The following ATP1B2 variants were observed in gnomAD, a reference collection of about 807,000 sequenced individuals.
ATP1B2 encodes sodium/potassium-transporting ATPase subunit beta-2.
A neutral mutation model predicts 37.3 loss-of-function variants in ATP1B2; 12 were observed. The observed-to-expected ratio is 0.32, with a 90% confidence interval of 0.21 to 0.52. The LOEUF (loss-of-function observed/expected upper bound fraction) is 0.52, where lower values mean the gene tolerates loss of function less well. ATP1B2 is among the 20% of genes least tolerant of loss of function. The pLI, the probability that ATP1B2 is intolerant of heterozygous loss-of-function variation, is 0.96. For synonymous variants in ATP1B2, 139 were observed against 140.5 expected, an observed-to-expected ratio of 0.99 and a Z score of 0.07; for missense variants, 324 against 391.6, an observed-to-expected ratio of 0.83 and a Z score of 1.46.
chr17:7,651,217 G>GC lies in ATP1B2; in HGVS notation c.-302_-301insC, dbSNP rs1567531492. On this transcript the variant is annotated 5_prime_UTR_variant, in exon 1 of 7. Coordinates refer to ENST00000250111, the MANE Select transcript of ATP1B2 (RefSeq NM_001678.5). ...TTTCGTTTTGTTTCTAGACGGTTTGGTGGGGGGTGAAGCTGCATTCATACC... is the reference window on the plus strand; with the variant it reads ...TTTCGTTTTGTTTCTAGACGGTTTGGCTGGGGGGTGAAGCTGCATTCATACC... The GC allele has an allele frequency of 1.1e-5, 4 of 361,950 alleles. No individual in the cohort carries two copies. Among genetic ancestry groups the GC allele is most frequent in the Middle Eastern group, 1.7e-3 (2 of 1,198 alleles). 22.4% of individuals were successfully genotyped at this position (361,950 alleles called of 1,614,324 possible). A position where few individuals can be genotyped will look rare whatever the true frequency, so the allele number is the denominator to read the frequency against.
Position 7,654,244 on chromosome 17 carries a change from T to C in ATP1B2, c.539T>C (p.Ile180Thr). ...AGCACTGGGCAGCCCTGTGTCTTCA[T>C]CAAGATGAACCGGGTATCTATGACC... ...GYSTGQPCVF[I>T]KMNRVINFYA... is the part of the protein sequence containing the mutation. The change falls in exon 4 of 7, where the codon ATC becomes ACC. Residue 180 changes from isoleucine to threonine, a missense_variant. Ile to Thr is a moderately conservative substitution (Grantham distance 89, BLOSUM62 -1). Transcript: ENST00000250111. The surrounding 1 kb of genome is among the most constrained non-coding windows in gnomAD (Gnocchi z 4.9). 6.2e-7 allele frequency: 1 copy of C among 1,613,972 alleles called. No individual in the cohort carries two copies. Among genetic ancestry groups the C allele is most frequent in the Non-Finnish European group, 8.5e-7 (1 of 1,179,890 alleles).
In ATP1B2 at chr17:7,654,648, A is replaced by G; in HGVS notation, c.573A>G (p.Gly191=). ...KMNRVINFYA[G]ANQSMNVTCA... ...TCCAGGTCATCAACTTCTATGCAGG[A>G]GCAAACCAGAGCATGAATGTTACCT... The change falls in exon 5 of 7, where the codon GGA becomes GGG. Residue 191 remains glycine (G), a synonymous_variant. Transcript: ENST00000250111. The surrounding 1 kb of genome is among the most constrained non-coding windows in gnomAD (Gnocchi z 4.9). 3 of 1,614,126 alleles carry G rather than the reference A, an allele frequency of 1.9e-6. No homozygotes were observed. Among genetic ancestry groups the G allele is most frequent in the Non-Finnish European group, 2.5e-6 (3 of 1,180,026 alleles).
In ATP1B2 at chr17:7,656,081, C is replaced by G; in HGVS notation, c.*186C>G. The G allele has an allele frequency of 1.3e-6, 1 of 770,438 alleles. No individual in the cohort carries two copies. 47.7% of individuals were successfully genotyped at this position (770,438 alleles called of 1,614,324 possible). On this transcript the variant is annotated 3_prime_UTR_variant, in exon 7 of 7. Coordinates refer to ENST00000250111, the MANE Select transcript of ATP1B2 (RefSeq NM_001678.5). ...AGTCCATTGCGGTTCCGTCACTCGC[C>G]TTTCCCACCAACTTCTCCCAACCTC...
chr17:7,650,187 G>T (rs2150976761), upstream of ATP1B2, among the ~76,000 whole-genome samples: 1 of 152,282 alleles, frequency 6.6e-6, no homozygotes, highest in East Asian at 1.9e-4. Flanking sequence ...ACGTGGGGGT[G>T]GGGGTGCCAG....
chr17:7,655,539 G>A lies in ATP1B2; in HGVS notation c.622G>A (p.Ala208Thr), dbSNP rs750102798. The A allele has an allele frequency of 5.0e-6, 8 of 1,614,042 alleles. No homozygotes were observed. The highest frequency in any genetic ancestry group is 6.8e-6 in the Non-Finnish European group (8 of 1,180,036). ...TGCACCCCCACAGCGAGATGAAGAT[G>A]CTGAGAATCTCGGCAACTTCGTCAT... is the stretch of plus-strand genomic sequence containing the variant. Reference protein sequence around the residue: ...VTCAGKRDEDAENLGNFVMFP... With the variant: ...VTCAGKRDEDTENLGNFVMFP... The change falls in exon 6 of 7, where the codon GCT becomes ACT. Residue 208 changes from alanine (A) to threonine (T), a missense_variant. By Grantham distance (58) the Ala-to-Thr change is moderately conservative. Coordinates refer to ENST00000250111, the MANE Select transcript of ATP1B2 (RefSeq NM_001678.5). This position sits in a 1 kb window ranked among gnomAD's most constrained non-coding sequence, Gnocchi z 4.4.
In ATP1B2 at chr17:7,654,637, T is replaced by G. The variant is rs1320985931; in HGVS notation, c.562T>G (p.Phe188Val). The change falls in exon 5 of 7, where the codon TTC becomes GTC. Residue 188 changes from phenylalanine to valine, a missense_variant. Phe to Val is a conservative substitution (Grantham distance 50). Transcript: ENST00000250111. This position sits in a 1 kb window ranked among gnomAD's most constrained non-coding sequence, Gnocchi z 4.9. ...TCCACCCTCACTCCAGGTCATCAACTTCTATGCAGGAGCAAACCAGAGCAT... is the reference window on the plus strand; with the variant it reads ...TCCACCCTCACTCCAGGTCATCAACGTCTATGCAGGAGCAAACCAGAGCAT... ...VFIKMNRVIN[F>V]YAGANQSMNV... 1 of 1,614,004 alleles carries G rather than the reference T, an allele frequency of 6.2e-7. No individual in the cohort carries two copies. The highest frequency in any genetic ancestry group is 1.3e-5 in the African/African-American group (1 of 74,900).
Position 7,654,092 on chromosome 17 carries a change from C to T in ATP1B2, c.387C>T (p.Cys129=), listed in dbSNP as rs1325510367. Residue 129 remains cysteine (C), a synonymous_variant, in exon 4 of 7, where the codon TGC becomes TGT. Transcript: ENST00000250111. This position sits in a 1 kb window ranked among gnomAD's most constrained non-coding sequence, Gnocchi z 4.9. ...DSIQAQKNDV[C]RPGRYYEQPD... Reference sequence around the variant, plus strand: ...TCCAAGCCCAAAAGAATGATGTCTGCCGCCCTGGACGCTATTACGAACAGC... The same window carrying T: ...TCCAAGCCCAAAAGAATGATGTCTGTCGCCCTGGACGCTATTACGAACAGC... The T allele has an allele frequency of 6.2e-7, 1 of 1,614,074 alleles. No homozygotes were observed. Among genetic ancestry groups the T allele is most frequent in the African/African-American group, 1.3e-5 (1 of 74,910 alleles).
rs983889503 is a variant in ATP1B2 at position 7,655,053 on chromosome 17, A to G, written c.609+369A>G. ...TGGCCCCCACCCGTCAGTTCCTTCT[A>G]GGTGTCTGGTAGCTGCTGATCTGTT... On this transcript the variant is annotated intron_variant, in intron 5 of 6. Transcript: ENST00000250111. This position sits in a 1 kb window ranked among gnomAD's most constrained non-coding sequence, Gnocchi z 4.4. Among the ~76,000 whole-genome samples, 2 of 151,780 alleles carry G rather than the reference A, an allele frequency of 1.3e-5. No individual in the cohort carries two copies. The highest frequency in any genetic ancestry group is 2.9e-5 in the Non-Finnish European group (2 of 67,938).
rs1421039668 is a variant in ATP1B2 at position 7,655,374 on chromosome 17, A to C, written c.610-153A>C. On this transcript the variant is annotated intron_variant, in intron 5 of 6. Transcript: ENST00000250111. This position sits in a 1 kb window ranked among gnomAD's most constrained non-coding sequence, Gnocchi z 4.4. ...CTCATCTACACACGCACATGCAGAC[A>C]CACACACACAGACTCACAGCTCCAG... 4.9e-5 allele frequency: 33 copies of C among 679,070 alleles called. No individual in the cohort carries two copies. Among genetic ancestry groups the C allele is most frequent in the Non-Finnish European group, 7.9e-5 (31 of 393,354 alleles). The allele number at this position is 679,070 out of a possible 1,614,324, so 42.1% of individuals were successfully genotyped here.
chr17:7,653,891 A>G lies in ATP1B2; in HGVS notation c.292A>G (p.Ser98Gly). Residue 98 changes from serine (S) to glycine (G), a missense_variant, in exon 3 of 7, where the codon AGT (serine) becomes GGT (glycine). By Grantham distance (56) the Ser-to-Gly change is moderately conservative (BLOSUM62 0). Coordinates refer to ENST00000250111, the MANE Select transcript of ATP1B2 (RefSeq NM_001678.5). The part of the protein sequence containing the change: ...TENLDVIVNV[S>G]DTESWDQHVQ... Reference sequence around the variant, plus strand: ...GAACCTTGATGTCATTGTCAATGTCAGTGACACTGAAAGCTGGGACCAGCA... The same window carrying G: ...GAACCTTGATGTCATTGTCAATGTCGGTGACACTGAAAGCTGGGACCAGCA... 2 of 1,614,138 alleles carry G rather than the reference A, an allele frequency of 1.2e-6. No individual in the cohort carries two copies. Among genetic ancestry groups the G allele is most frequent in the East Asian group, 4.5e-5 (2 of 44,892 alleles).
chr17:7,649,221 T>C (rs1161270019), upstream of ATP1B2, among the ~76,000 whole-genome samples: 2 of 150,760 alleles, frequency 1.3e-5, no homozygotes, highest in African/African-American at 4.9e-5. Context: ...CCCGGCTAAT[T>C]TTTTTAGTTT....
At position 7,655,657 on chromosome 17, in the gene ATP1B2, G is replaced by A. The variant is rs376822561; in HGVS notation, c.708+32G>A. 9.3e-6 allele frequency: 15 copies of A among 1,614,008 alleles called. No individual in the cohort carries two copies. The highest frequency in any genetic ancestry group is 2.2e-5 in the East Asian group (1 of 44,874). On this transcript the variant is annotated intron_variant, in intron 6 of 6. Coordinates refer to ENST00000250111, the MANE Select transcript of ATP1B2 (RefSeq NM_001678.5). The surrounding 1 kb of genome is among the most constrained non-coding windows in gnomAD (Gnocchi z 4.4). ...CCCAGGGGAGGCCCAGGCTGATGGC[G>A]GGTGCGGGTGGTGAGCTAGGGAAGG...
upstream of ATP1B2, among the ~76,000 whole-genome samples, chr17:7,648,782 G>T (rs1223095135): frequency 6.6e-6 from 1 of 152,106 alleles, no homozygotes; most frequent in Non-Finnish European, 1.5e-5. Context: ...TCAGCTGAAA[G>T]TTCTTCAGTG....
upstream of ATP1B2, among the ~76,000 whole-genome samples, chr17:7,650,458 T>TTCCCTCCTGGCTCGGCCAGCC (rs1296659318): frequency 2.6e-5 from 4 of 152,036 alleles, no homozygotes; most frequent in African/African-American, 9.7e-5. Context: ...CTGTCCTAGC[T>TTCCCTCCTGGCTCGGCCAGCC]TCCCTCCTGG....
intron 1 of ATP1B2, among the ~76,000 whole-genome samples, chr17:7,652,714 A>G (rs1472912389): frequency 1.3e-5 from 2 of 152,142 alleles, no homozygotes; most frequent in Non-Finnish European, 2.9e-5. Flanking sequence ...CGGGGGAGCC[A>G]TGGAGAGATC....
Position 7,654,257 on chromosome 17 carries a change from G to A in ATP1B2, c.552G>A (p.Arg184=). ...CCTGTGTCTTCATCAAGATGAACCG[G>A]GTATCTATGACCTTGGTCCCCAGGG... ...GQPCVFIKMN[R]VINFYAGANQ... The change falls in exon 4 of 7, where the codon CGG becomes CGA. Residue 184 remains arginine (R), a splice_region_variant and synonymous_variant. Coordinates refer to ENST00000250111, the MANE Select transcript of ATP1B2 (RefSeq NM_001678.5). The surrounding 1 kb of genome is among the most constrained non-coding windows in gnomAD (Gnocchi z 4.9). 6.2e-7 allele frequency: 1 copy of A among 1,613,800 alleles called. No homozygotes were observed. The highest frequency in any genetic ancestry group is 8.5e-7 in the Non-Finnish European group (1 of 1,179,868).
rs757868323 is a variant in ATP1B2, at chr17:7,653,392, A to G, written c.131A>G (p.Tyr44Cys). 1 of 1,613,496 alleles carries G rather than the reference A, an allele frequency of 6.2e-7. No homozygotes were observed. The highest frequency in any genetic ancestry group is 1.1e-5 in the South Asian group (1 of 91,044). The change falls in exon 2 of 7, where the codon TAC becomes TGC. Residue 44 changes from tyrosine to cysteine, a missense_variant. Transcript: ENST00000250111. ...GTSWAFILLFYLVFYGFLTAM... is the reference protein window; with the variant it reads ...GTSWAFILLFCLVFYGFLTAM... Reference sequence around the variant, plus strand: ...TCCCTAGCCTTTATCCTCCTCTTCTACCTCGTTTTTTATGGGTTCCTCACC... The same window carrying G: ...TCCCTAGCCTTTATCCTCCTCTTCTGCCTCGTTTTTTATGGGTTCCTCACC...
upstream of ATP1B2, among the ~76,000 whole-genome samples, chr17:7,650,765 C>T (rs1181327034): frequency 6.6e-6 from 1 of 152,070 alleles, no homozygotes; most frequent in Admixed American, 6.6e-5. Context: ...CAGCTAGGTC[C>T]CTAAGAGAAG....
chr17:7,655,945 C>A lies in ATP1B2; in HGVS notation c.*50C>A. 1.2e-6 allele frequency: 2 copies of A among 1,602,298 alleles called. No individual in the cohort carries two copies. Among genetic ancestry groups the A allele is most frequent in the Middle Eastern group, 1.7e-4 (1 of 5,720 alleles). On this transcript the variant is annotated 3_prime_UTR_variant, in exon 7 of 7. Transcript: ENST00000250111. This position sits in a 1 kb window ranked among gnomAD's most constrained non-coding sequence, Gnocchi z 4.4. ...TCTCCTGTGGATGCTCCTGGAATGT[C>A]CCTGACCCTGCCTGATCCCTCCCTC... is the stretch of plus-strand genomic sequence containing the variant.
Sources: gnomAD v4.1 joint callset for allele counts (sites outside exome capture counted in the v4.1 genomes callset) on GRCh38, gnomAD v4.1.1 for gene constraint, Gnocchi (gnomAD v3.1) non-coding constraint, MANE v1.5 for transcripts, NCBI Gene and HGNC (gene_info 2026-07-23, HGNC 2026-07-21) for gene names.